The following GPHN variants were observed in gnomAD, a reference collection of about 807,000 sequenced individuals.
The protein encoded by GPHN is gephyrin.
In GPHN, 17 loss-of-function variants were observed where a neutral mutation model predicts 95.5. That is an observed-to-expected ratio of 0.18 (90% CI 0.12 to 0.27). The LOEUF is 0.27. Ranked by LOEUF, GPHN falls within the 10% of genes least tolerant of loss-of-function variation. The pLI, the probability that GPHN is intolerant of heterozygous loss-of-function variation, is 1.00. For missense variants in GPHN, 660 were observed against 978.1 expected (o/e 0.67, Z 4.34); for synonymous variants, 320 against 322.5 (o/e 0.99, Z 0.08).
chr14:67,571,698 G>C, the GPHN span: 14 of 1,586,598 alleles, frequency 8.8e-6, no homozygotes, highest in Non-Finnish European at 1.1e-5. Context: ...TGCAGGGTTG[G>C]GAGAGGACTG....
the GPHN span, among the ~76,000 whole-genome samples, chr14:67,459,337 A>G: frequency 2.0e-5 from 3 of 152,108 alleles, no homozygotes; most frequent in Non-Finnish European, 4.4e-5. Context: ...CCTGGCCTAT[A>G]TTATTGGTTT....
chr14:67,074,673 C>A (rs2076428477), intron 11 of GPHN, among the ~76,000 whole-genome samples: 2 of 152,152 alleles, frequency 1.3e-5, no homozygotes, highest in South Asian at 4.1e-4. Flanking sequence ...AGCCAGAAAC[C>A]TAGGCCGCTG....
the GPHN span, among the ~76,000 whole-genome samples, chr14:67,665,257 AT>A: frequency 8.1e-6 from 1 of 122,974 alleles, no homozygotes; most frequent in African/African-American, 2.9e-5. Flanking sequence ...TGTCAGTTAT[AT>A]CTTTTTTTTT....
intron 18 of GPHN, among the ~76,000 whole-genome samples, chr14:67,150,940 C>T (rs2081245596): frequency 6.6e-6 from 1 of 151,920 alleles, no homozygotes; most frequent in Non-Finnish European, 1.5e-5. Context: ...CTCACATTCT[C>T]AAAATTATAA....
At chr14:67,402,146 C>A in the GPHN span, among the ~76,000 whole-genome samples, 1 of 152,172 alleles carries the variant, frequency 6.6e-6, no homozygotes, top group Admixed American at 6.5e-5. Flanking sequence ...ACAACAACAA[C>A]AACATCAACA....
At chr14:67,592,223 T>G in the GPHN span, 1 of 256,496 alleles carries the variant, frequency 3.9e-6, no homozygotes, top group Non-Finnish European at 7.7e-6. Context: ...TTGCTTGAAC[T>G]CAGGAGTTCA....
At chr14:67,433,069 A>C in the GPHN span, among the ~76,000 whole-genome samples, 1 of 152,130 alleles carries the variant, frequency 6.6e-6, no homozygotes, top group East Asian at 1.9e-4. Flanking sequence ...TTGTTCAATA[A>C]ATAGGGAGGG....
the GPHN span, among the ~76,000 whole-genome samples, chr14:67,687,771 CTT>C: frequency 7.4e-6 from 1 of 134,922 alleles, no homozygotes; most frequent in Non-Finnish European, 1.6e-5. Flanking sequence ...ACGTCCGGCC[CTT>C]TTTTTTTTTC....
the GPHN span, chr14:67,586,434 G>C: frequency 7.6e-7 from 1 of 1,313,572 alleles, no homozygotes; most frequent in African/African-American, 1.5e-5. Flanking sequence ...CAGTCCTCAA[G>C]GCAGGGCAGA....
chr14:67,089,125 CTTTTTTTCTTTTTT>C (rs761111389), intron 12 of GPHN, 50 bp downstream of exon 12: 5,942 of 327,280 alleles, frequency 0.018, 16 homozygotes, highest in East Asian at 0.052. Context: ...ATTTTTTTTT[CTTTTTTTCTTTTTT>C]TTTTTTTTTT....
the GPHN span, among the ~76,000 whole-genome samples, chr14:67,545,385 T>C: frequency 6.0e-4 from 91 of 152,226 alleles, no homozygotes; most frequent in African/African-American, 2.2e-3. Context: ...AAAGAGAGGA[T>C]AGATAATAGG....
the GPHN span, chr14:67,360,827 T>C: frequency 6.6e-6 from 1 of 152,212 alleles, no homozygotes; most frequent in Non-Finnish European, 1.5e-5. Flanking sequence ...CTTTGCTTTT[T>C]CCAGGCTTGA....
At chr14:67,073,328 T>C (rs183491724) in intron 11 of GPHN, among the ~76,000 whole-genome samples, 12 of 152,260 alleles carry the variant, frequency 7.9e-5, no homozygotes, top group Admixed American at 5.2e-4. Context: ...TGCTACCCAT[T>C]TATCAGTGAT....
chr14:66,915,005 A>T (rs1460515748), intron 5 of GPHN, among the ~76,000 whole-genome samples: 1 of 152,154 alleles, frequency 6.6e-6, no homozygotes, highest in African/African-American at 2.4e-5. Flanking sequence ...AATAATGAAT[A>T]GTTTTTCTAG....
At chr14:67,199,434 T>G in the GPHN span, 50 of 1,612,940 alleles carry the variant, frequency 3.1e-5, no homozygotes, top group Non-Finnish European at 4.2e-5. Flanking sequence ...GCCTTTGGGG[T>G]CATCTTACAA....
intron 1 of GPHN, among the ~76,000 whole-genome samples, chr14:66,632,230 C>G (rs1174194990): frequency 6.6e-6 from 1 of 152,108 alleles, no homozygotes; most frequent in East Asian, 1.9e-4. Flanking sequence ...GTGCCTGTCT[C>G]TTAGCAAATG....
chr14:66,860,616 T>A (rs1258836154), intron 4 of GPHN, among the ~76,000 whole-genome samples: 1 of 151,986 alleles, frequency 6.6e-6, no homozygotes, highest in African/African-American at 2.4e-5. Flanking sequence ...GATTGTGGTG[T>A]GTAAACTACT....
the GPHN span, among the ~76,000 whole-genome samples, chr14:67,604,539 AAAAC>A: frequency 9.3e-5 from 5 of 53,632 alleles, no homozygotes; most frequent in Non-Finnish European, 1.8e-4. Context: ...TACCAAACAA[AAAAC>A]AAAAAACAAA....
At chr14:67,336,341 CTA>C in the GPHN span, 108 of 174,474 alleles carry the variant, frequency 6.2e-4, 3 homozygotes, top group African/African-American at 1.8e-3. Flanking sequence ...TATTCTTCTC[CTA>C]TGTTTCAGAT....
Sources: allele counts gnomAD v4.1 joint callset (sites outside exome capture counted in the v4.1 genomes callset), GRCh38; gene constraint gnomAD v4.1.1; transcripts MANE v1.5; gene names NCBI Gene and HGNC (gene_info 2026-07-23, HGNC 2026-07-21).